Variants in ARSK observed in about 807,000 individuals in gnomAD.
ARSK encodes arylsulfatase K.
In ARSK, 37 loss-of-function variants were observed where a neutral mutation model predicts 53.2. The ratio of observed to expected loss-of-function variants is 0.70; its 90% CI spans 0.54 to 0.92. ARSK has a LOEUF of 0.92. ARSK is among the 40% of genes least tolerant of loss of function. The probability of loss-of-function intolerance (pLI) is 0.00; values close to 1 mark genes in which losing one functional copy is unlikely to be tolerated. For missense variants in ARSK, 613 were observed against 643.0 expected (o/e 0.95, Z 0.51); for synonymous variants, 208 against 223.2 (o/e 0.93, Z 0.61).
At chr5:95,602,194 T>C (rs886771354) in intron 7 of ARSK, among the ~76,000 whole-genome samples, 2 of 152,230 alleles carry the variant, frequency 1.3e-5, no homozygotes, top group African/African-American at 4.8e-5. Flanking sequence ...ATCAGCCTTT[T>C]TCTGCCTATA....
chr5:95,590,452 A>C (rs991649601), intron 5 of ARSK, among the ~76,000 whole-genome samples: 1 of 152,096 alleles, frequency 6.6e-6, no homozygotes, highest in African/African-American at 2.4e-5. Flanking sequence ...GGGATGTGAC[A>C]CAATGGAGTG....
intron 3 of ARSK, 102 bp downstream of exon 3, chr5:95,568,151 A>G (rs1004273049): frequency 7.0e-5 from 89 of 1,266,342 alleles, no homozygotes; most frequent in Non-Finnish European, 8.8e-5. Context: ...CAAAGGTGAA[A>G]GTAAATCTCT....
At chr5:95,601,993 T>A (rs1749408240) in intron 7 of ARSK, among the ~76,000 whole-genome samples, 1 of 151,850 alleles carries the variant, frequency 6.6e-6, no homozygotes, top group Non-Finnish European at 1.5e-5. Context: ...CAGAATGGGG[T>A]CACTGGCAGT....
At chr5:95,573,018 T>C (rs1405132445) in intron 3 of ARSK, among the ~76,000 whole-genome samples, 1 of 152,180 alleles carries the variant, frequency 6.6e-6, no homozygotes, top group East Asian at 1.9e-4. Flanking sequence ...AAACAGTCTA[T>C]AATGCAGAAA....
At chr5:95,588,006 G>A (rs2112438199) in intron 5 of ARSK, among the ~76,000 whole-genome samples, 1 of 151,820 alleles carries the variant, frequency 6.6e-6, no homozygotes, top group South Asian at 2.1e-4. Context: ...GAGCACATCT[G>A]TCAAATTGTA....
At chr5:95,561,555 T>TA (rs989724396) in intron 1 of ARSK, among the ~76,000 whole-genome samples, 1 of 152,216 alleles carries the variant, frequency 6.6e-6, no homozygotes, top group Non-Finnish European at 1.5e-5. Flanking sequence ...TAAAATTTGG[T>TA]AATATTATTC....
rs1396248576 is a variant in ARSK, at chr5:95,591,557, C to T, written c.1028C>T (p.Pro343Leu). ...CATGTTCCGCTTTTGATGATGGGAC[C>T]AGGAATTAAAGCCGGCCTACAAGTA... ...SAHVPLLMMGPGIKAGLQVSN... is the reference protein window; with the variant it reads ...SAHVPLLMMGLGIKAGLQVSN... Residue 343 changes from proline to leucine, a missense_variant, in exon 6 of 8, where the codon CCA becomes CTA. By Grantham distance (98) the Pro-to-Leu change is moderately conservative. Coordinates refer to ENST00000380009, the MANE Select transcript of ARSK (RefSeq NM_198150.3). 2.5e-6 allele frequency: 4 copies of T among 1,613,960 alleles called. No homozygotes were observed. The highest frequency in any genetic ancestry group is 1.6e-4 in the Middle Eastern group (1 of 6,084).
chr5:95,576,152 G>A (rs762103840), intron 3 of ARSK, among the ~76,000 whole-genome samples: 43 of 150,740 alleles, frequency 2.9e-4, no homozygotes, highest in Middle Eastern at 3.5e-3. Flanking sequence ...TGATCATATG[G>A]TTTTCGTCCT....
chr5:95,557,066 A>T (rs1040335426), intron 1 of ARSK: 2 of 151,900 alleles, frequency 1.3e-5, no homozygotes, highest in African/African-American at 2.4e-5. Context: ...AATAAAAAAA[A>T]TTTTTGCATT....
chr5:95,600,675 G>C (rs1749385731), intron 6 of ARSK, 172 bp from the exon 7 acceptor site: 1 of 722,252 alleles, frequency 1.4e-6, no homozygotes, highest in East Asian at 2.7e-5. Context: ...AGTCCACATG[G>C]CCAGTGGGGT....
intron 3 of ARSK, among the ~76,000 whole-genome samples, chr5:95,572,831 C>G (rs964677736): frequency 1.3e-5 from 2 of 152,180 alleles, no homozygotes; most frequent in Non-Finnish European, 1.5e-5. Context: ...TGTTGCCTAT[C>G]TATTCCTAAA....
chr5:95,590,588 A>G (rs1749195790), intron 5 of ARSK, among the ~76,000 whole-genome samples: 1 of 152,304 alleles, frequency 6.6e-6, no homozygotes, highest in Non-Finnish European at 1.5e-5. Flanking sequence ...CAACTCTGCA[A>G]ATAACTCCAT....
Position 95,576,360 on chromosome 5 carries a change from G to A in ARSK, c.417-6556G>A, listed in dbSNP as rs191748359. Among the ~76,000 whole-genome samples the A allele has an allele frequency of 2.0e-3, 301 of 151,504 alleles. 2 individuals are homozygous for A. Among genetic ancestry groups the A allele is most frequent in the African/African-American group, 7.0e-3 (289 of 41,330 alleles). On this transcript the variant is annotated intron_variant, in intron 3 of 7. Coordinates refer to ENST00000380009, the MANE Select transcript of ARSK (RefSeq NM_198150.3). ...ACTATAGGTGCATGCCACTACACCC[G>A]GCTAATTTTTTGTATTTTAGTAGAG...
At chr5:95,563,786 C>T (rs1471521553) in intron 1 of ARSK, among the ~76,000 whole-genome samples, 3 of 152,170 alleles carry the variant, frequency 2.0e-5, no homozygotes, top group Admixed American at 6.5e-5. Flanking sequence ...TTGTGACCTT[C>T]TGCTCCATCC....
intron 1 of ARSK, among the ~76,000 whole-genome samples, chr5:95,557,240 C>T (rs188156956): frequency 2.6e-5 from 4 of 152,120 alleles, no homozygotes; most frequent in African/African-American, 9.6e-5. Flanking sequence ...ATTTAGAGAC[C>T]ACAGTCTGAG....
In ARSK at chr5:95,555,200, C is replaced by G; in HGVS notation, c.-79C>G. ...CAAGCTTTGGGAGTTGTTCGCTGTC[C>G]CTGCCCTGCTCTGCTAGGGAGAGAA... is the stretch of plus-strand genomic sequence containing the variant. On this transcript the variant is annotated 5_prime_UTR_variant, in exon 1 of 8. Transcript: ENST00000380009. This position sits in a 1 kb window ranked among gnomAD's most constrained non-coding sequence, Gnocchi z 4.0. The G allele has an allele frequency of 7.0e-7, 1 of 1,421,786 alleles. No individual in the cohort carries two copies. The highest frequency in any genetic ancestry group is 9.5e-7 in the Non-Finnish European group (1 of 1,053,924). 88.1% of individuals were successfully genotyped at this position (1,421,786 alleles called of 1,614,324 possible). A position where few individuals can be genotyped will look rare whatever the true frequency, so the allele number is the denominator to read the frequency against.
At chr5:95,590,747 A>C (rs1303162923) in intron 5 of ARSK, among the ~76,000 whole-genome samples, 1 of 152,214 alleles carries the variant, frequency 6.6e-6, no homozygotes, top group African/African-American at 2.4e-5. Context: ...TAATTACAGT[A>C]GGAGGAAGTT....
At chr5:95,589,784 G>A (rs1334718972) in intron 5 of ARSK, among the ~76,000 whole-genome samples, 5 of 152,144 alleles carry the variant, frequency 3.3e-5, no homozygotes, top group Admixed American at 6.5e-5. Flanking sequence ...ATTCCTTTGG[G>A]TATATACCCA....
intron 3 of ARSK, chr5:95,580,953 C>G (rs779182858): frequency 6.3e-6 from 8 of 1,278,992 alleles, no homozygotes; most frequent in Non-Finnish European, 8.2e-6. Context: ...GTAAAAATAC[C>G]TTTTGCCTTT....
Sources: allele counts gnomAD v4.1 joint callset (sites outside exome capture counted in the v4.1 genomes callset), GRCh38; gene constraint gnomAD v4.1.1; non-coding constraint Gnocchi (gnomAD v3.1); transcripts MANE v1.5; gene names NCBI Gene and HGNC (gene_info 2026-07-23, HGNC 2026-07-21).